Variants in ANO4 observed in about 807,000 individuals in gnomAD.
ANO4 encodes the protein anoctamin-4.
ANO4 carries 69 observed loss-of-function variants against 141.9 expected under a neutral mutation model. The ratio of observed to expected loss-of-function variants is 0.49; its 90% CI spans 0.40 to 0.59. The LOEUF is 0.59. Among genes scored for constraint, ANO4 ranks in the 20% least tolerant of loss-of-function variants. ANO4 has a pLI of 0.00. For missense variants in ANO4, 894 were observed against 1,162.2 expected, an observed-to-expected ratio of 0.77 and a Z score of 3.36; for synonymous variants, 350 against 394.3, an observed-to-expected ratio of 0.89 and a Z score of 1.33.
At chr12:101,018,701 C>T (rs2046404774) in intron 8 of ANO4, among the ~76,000 whole-genome samples, 5 of 152,140 alleles carry the variant, frequency 3.3e-5, no homozygotes, top group Admixed American at 2.0e-4. Context: ...AGCCACTCAC[C>T]GGATCCCTGG....
intron 1 of ANO4, among the ~76,000 whole-genome samples, chr12:100,890,630 C>G (rs1514794): frequency 0.16 from 25,039 of 152,022 alleles, 2,373 homozygotes; most frequent in Middle Eastern, 0.3. Context: ...TTTTTAATAG[C>G]CTGTATTTTT....
rs958473870 is a variant in ANO4, at chr12:101,029,247, A to G, written c.842-7848A>G. ...AAAATACACCAAAATATAAAGACCA[A>G]TGACACTATGAAGAAACTGCATCAA... is the stretch of plus-strand genomic sequence containing the variant. On this transcript the variant is annotated intron_variant, in intron 9 of 27. Coordinates refer to ENST00000392977, the MANE Select transcript of ANO4 (RefSeq NM_001286615.2). 3.3e-5 allele frequency among the ~76,000 whole-genome samples: 5 copies of G among 152,206 alleles called. No individual in the cohort carries two copies. The South Asian group carries it at 6.2e-4, about 19-fold the overall frequency.
chr12:100,723,488 C>T (rs184678898), intron 1 of ANO4, among the ~76,000 whole-genome samples: 38 of 152,126 alleles, frequency 2.5e-4, no homozygotes, highest in Middle Eastern at 6.8e-3. Context: ...ATCCCATCAC[C>T]GGGGGCCCAT....
chr12:101,072,604 C>T (rs1255247902), intron 14 of ANO4, among the ~76,000 whole-genome samples: 1 of 152,092 alleles, frequency 6.6e-6, no homozygotes, highest in African/African-American at 2.4e-5. Context: ...TCTAATTAAA[C>T]AAAAGAGCTT....
intron 1 of ANO4, among the ~76,000 whole-genome samples, chr12:100,844,081 G>T (rs2037429676): frequency 6.6e-6 from 1 of 152,100 alleles, no homozygotes; most frequent in South Asian, 2.1e-4. Flanking sequence ...GAATTACAGA[G>T]GTAAATGCAA....
chr12:101,089,685 G>A (rs1314310799), intron 17 of ANO4, among the ~76,000 whole-genome samples: 1 of 152,130 alleles, frequency 6.6e-6, no homozygotes, highest in Non-Finnish European at 1.5e-5. Flanking sequence ...TGTGTGGCAT[G>A]GGCAAAGGCT....
At chr12:100,861,189 A>G (rs1313312273) in intron 1 of ANO4, among the ~76,000 whole-genome samples, 2 of 152,204 alleles carry the variant, frequency 1.3e-5, no homozygotes, top group African/African-American at 2.4e-5. Flanking sequence ...CTAGCTAGCT[A>G]CAGAGCACTG....
intron 9 of ANO4, among the ~76,000 whole-genome samples, chr12:101,026,417 G>T (rs2136525719): frequency 6.6e-6 from 1 of 152,274 alleles, no homozygotes; most frequent in South Asian, 2.1e-4. Flanking sequence ...ATGTTTATGA[G>T]TCAGAAGACT....
At chr12:100,982,873 AC>A (rs1566087458) in intron 7 of ANO4, among the ~76,000 whole-genome samples, 2 of 152,222 alleles carry the variant, frequency 1.3e-5, no homozygotes, top group Non-Finnish European at 2.9e-5. Flanking sequence ...CACCCAAATC[AC>A]CAACAACCTG....
chr12:100,743,346 A>G (rs896285985), intron 3 of ANO4, among the ~76,000 whole-genome samples: 112 of 151,850 alleles, frequency 7.4e-4, no homozygotes, highest in African/African-American at 2.6e-3. Context: ...TTCAATTAAA[A>G]GAAGGTAAAT....
chr12:100,746,865 C>T (rs908941769), intron 3 of ANO4, among the ~76,000 whole-genome samples: 1 of 152,166 alleles, frequency 6.6e-6, no homozygotes, highest in African/African-American at 2.4e-5. Flanking sequence ...ATGATTAGCA[C>T]CTTTGATTTC....
chr12:101,115,563 CTATT>C (rs1233166852), intron 24 of ANO4, among the ~76,000 whole-genome samples: 1 of 152,158 alleles, frequency 6.6e-6, no homozygotes, highest in African/African-American at 2.4e-5. Flanking sequence ...ATGTAAAACA[CTATT>C]TAAAGAAAAA....
intron 14 of ANO4, among the ~76,000 whole-genome samples, chr12:101,059,268 AT>A (rs2048250680): frequency 6.6e-6 from 1 of 152,252 alleles, no homozygotes; most frequent in Middle Eastern, 3.4e-3. Context: ...GTTTTCCAGT[AT>A]TTCATTGAGG....
At chr12:100,803,977 C>T (rs1051130751) in intron 1 of ANO4, among the ~76,000 whole-genome samples, 2 of 151,562 alleles carry the variant, frequency 1.3e-5, no homozygotes, top group Admixed American at 6.6e-5. Flanking sequence ...TTAAGTTCTG[C>T]GGTAATGTGC....
chr12:101,039,851 C>A (rs932830546), intron 10 of ANO4, 104 bp from the exon 11 acceptor site: 2 of 1,284,566 alleles, frequency 1.6e-6, no homozygotes, highest in Non-Finnish European at 2.1e-6. Flanking sequence ...CTTTCTCATA[C>A]CACTCCTATC....
chr12:100,945,077 T>G (rs895897009), intron 5 of ANO4, among the ~76,000 whole-genome samples: 1 of 152,188 alleles, frequency 6.6e-6, no homozygotes, highest in African/African-American at 2.4e-5. Context: ...CTTGTATATC[T>G]GAAACGTTTG....
chr12:100,767,639 A>G (rs2033142755), intron 3 of ANO4, among the ~76,000 whole-genome samples: 1 of 152,248 alleles, frequency 6.6e-6, no homozygotes, highest in Admixed American at 6.5e-5. Flanking sequence ...AAAGTGTAAC[A>G]GCACAAGATT....
At chr12:100,956,068 C>T (rs1232793799) in intron 5 of ANO4, among the ~76,000 whole-genome samples, 1 of 152,192 alleles carries the variant, frequency 6.6e-6, no homozygotes, top group Non-Finnish European at 1.5e-5. Context: ...TTGTTCTAGA[C>T]CTTAATGACA....
intron 1 of ANO4, among the ~76,000 whole-genome samples, chr12:100,823,455 C>T (rs777646744): frequency 6.6e-6 from 1 of 151,968 alleles, no homozygotes; most frequent in Non-Finnish European, 1.5e-5. Flanking sequence ...CTTTTTCATA[C>T]CTTTCATTTT....
Sources: allele counts gnomAD v4.1 joint callset (sites outside exome capture counted in the v4.1 genomes callset), GRCh38; gene constraint gnomAD v4.1.1; transcripts MANE v1.5; gene names NCBI Gene and HGNC (gene_info 2026-07-23, HGNC 2026-07-21).